Variants in FAM107B observed in about 807,000 individuals in gnomAD.
FAM107B encodes the protein family with sequence similarity 107 member B.
In FAM107B, 21 loss-of-function variants were observed where a neutral mutation model predicts 31.5. The observed-to-expected ratio is 0.67, with a 90% CI of 0.47 to 0.96. The LOEUF (loss-of-function observed/expected upper bound fraction) is 0.96. Among genes scored for constraint, FAM107B ranks in the 40% least tolerant of loss-of-function variants. The pLI, the probability that FAM107B is intolerant of heterozygous loss-of-function variation, is 0.00. For synonymous variants in FAM107B, 157 were observed against 141.5 expected (o/e 1.11, Z -0.78); for missense variants, 452 against 377.1 (o/e 1.20, Z -1.64).
chr10:14,528,739 G>A (rs1256241737), intron 3 of FAM107B, among the ~76,000 whole-genome samples: 2 of 152,184 alleles, frequency 1.3e-5, no homozygotes, highest in Non-Finnish European at 2.9e-5. Flanking sequence ...AAGACAGACA[G>A]AATGGAAGCC....
At chr10:14,727,510 G>A (rs186865767) in intron 1 of FAM107B, among the ~76,000 whole-genome samples, 1 of 152,342 alleles carries the variant, frequency 6.6e-6, no homozygotes, top group Non-Finnish European at 1.5e-5. Flanking sequence ...CCACAGGCTG[G>A]AAGTGACAAG....
chr10:14,646,583 C>T (rs180790865), intron 2 of FAM107B, among the ~76,000 whole-genome samples: 22 of 152,220 alleles, frequency 1.4e-4, no homozygotes, highest in African/African-American at 4.1e-4. Flanking sequence ...TTGATGGGCA[C>T]TTAGGTTGAT....
At chr10:14,706,277 T>C (rs1390032388) in intron 1 of FAM107B, among the ~76,000 whole-genome samples, 2 of 152,192 alleles carry the variant, frequency 1.3e-5, no homozygotes, top group African/African-American at 4.8e-5. Context: ...GGTGCAATCA[T>C]AACTCATTGC....
intron 1 of FAM107B, among the ~76,000 whole-genome samples, chr10:14,717,624 TC>T (rs1246845360): frequency 6.6e-6 from 1 of 152,136 alleles, no homozygotes; most frequent in East Asian, 1.9e-4. Flanking sequence ...AAGCTGCTTC[TC>T]CCCAATCTTC....
chr10:14,654,264 T>C (rs1853980831), intron 2 of FAM107B, among the ~76,000 whole-genome samples: 1 of 152,178 alleles, frequency 6.6e-6, no homozygotes, highest in African/African-American at 2.4e-5. Context: ...CAAAAACACA[T>C]CTACAGCTGA....
intron 1 of FAM107B, among the ~76,000 whole-genome samples, chr10:14,696,706 C>T (rs547845161): frequency 9.2e-5 from 14 of 152,214 alleles, no homozygotes; most frequent in African/African-American, 2.2e-4. Context: ...AAATATCCAT[C>T]GATCTCCGTC....
intron 2 of FAM107B, among the ~76,000 whole-genome samples, chr10:14,588,517 A>T (rs1851915113): frequency 6.6e-6 from 1 of 152,138 alleles, no homozygotes; most frequent in African/African-American, 2.4e-5. Flanking sequence ...TCTGTAAGCC[A>T]GCTTCACACA....
At chr10:14,622,059 A>G (rs754101847) in intron 2 of FAM107B, among the ~76,000 whole-genome samples, 6 of 152,198 alleles carry the variant, frequency 3.9e-5, no homozygotes, top group Admixed American at 1.3e-4. Flanking sequence ...CCATGGAGTA[A>G]CATTCCTGGC....
intron 2 of FAM107B, among the ~76,000 whole-genome samples, chr10:14,615,068 T>A (rs1267531909): frequency 6.6e-6 from 1 of 152,032 alleles, no homozygotes; most frequent in African/African-American, 2.4e-5. Flanking sequence ...GTGGTTCACA[T>A]CTGTAATCCT....
chr10:14,576,203 CGTT>C (rs1181695667), intron 2 of FAM107B, among the ~76,000 whole-genome samples: 16 of 152,166 alleles, frequency 1.1e-4, no homozygotes, highest in African/African-American at 3.6e-4. Context: ...TGGTTTACCT[CGTT>C]GTGTATATTT....
At chr10:14,584,390 C>A (rs569674028) in intron 2 of FAM107B, among the ~76,000 whole-genome samples, 1 of 152,220 alleles carries the variant, frequency 6.6e-6, no homozygotes, top group Admixed American at 6.5e-5. Context: ...GTCCAGCTGC[C>A]GATGAGAATT....
intron 1 of FAM107B, among the ~76,000 whole-genome samples, chr10:14,771,094 T>A (rs1833292326): frequency 6.7e-6 from 1 of 148,538 alleles, no homozygotes; most frequent in African/African-American, 2.5e-5. Context: ...AAGATTGTAA[T>A]AAAAGCATCT....
At chr10:14,563,957 T>A (rs1274441255) in intron 2 of FAM107B, among the ~76,000 whole-genome samples, 2 of 142,986 alleles carry the variant, frequency 1.4e-5, no homozygotes, top group Non-Finnish European at 3.2e-5. Flanking sequence ...GAAACATTCA[T>A]CTCATACTTT....
At chr10:14,523,341 C>G (rs891509884) in intron 3 of FAM107B, among the ~76,000 whole-genome samples, 2 of 152,194 alleles carry the variant, frequency 1.3e-5, no homozygotes, top group Non-Finnish European at 2.9e-5. Context: ...GACAAACCAC[C>G]GAACAGGAAA....
intron 2 of FAM107B, among the ~76,000 whole-genome samples, chr10:14,562,259 A>C (rs987497210): frequency 6.6e-6 from 1 of 152,228 alleles, no homozygotes; most frequent in African/African-American, 2.4e-5. Context: ...ACAATATTAG[A>C]ATATGCAATT....
chr10:14,759,481 C>T lies in FAM107B; in HGVS notation c.411+14772G>A, dbSNP rs147083079. Reference sequence around the variant, plus strand: ...GGCACTTGGTGCTTACCTCAGTTGACGCACTTATCAAATGACACTGCTGTA... The same window carrying T: ...GGCACTTGGTGCTTACCTCAGTTGATGCACTTATCAAATGACACTGCTGTA... On this transcript the variant is annotated intron_variant, in intron 1 of 4. Coordinates refer to ENST00000181796, the MANE Select transcript of FAM107B (RefSeq NM_031453.4). Among the ~76,000 whole-genome samples, 40 of 152,232 alleles carry T rather than the reference C, an allele frequency of 2.6e-4. 3 individuals are homozygous for T. The highest frequency in any genetic ancestry group is 8.9e-4 in the African/African-American group (37 of 41,564).
At chr10:14,566,359 G>T (rs1396888156) in intron 2 of FAM107B, among the ~76,000 whole-genome samples, 2 of 152,182 alleles carry the variant, frequency 1.3e-5, no homozygotes, top group East Asian at 3.8e-4. Context: ...AAGCCATCAT[G>T]CTGCAATCTT....
intron 1 of FAM107B, among the ~76,000 whole-genome samples, chr10:14,736,346 T>C (rs1856299012): frequency 6.6e-6 from 1 of 152,182 alleles, no homozygotes; most frequent in Non-Finnish European, 1.5e-5. Flanking sequence ...TTATGAAAGT[T>C]AAAAGACACA....
At chr10:14,666,758 G>A (rs928410425) in intron 2 of FAM107B, among the ~76,000 whole-genome samples, 4 of 152,138 alleles carry the variant, frequency 2.6e-5, no homozygotes, top group Non-Finnish European at 5.9e-5. Flanking sequence ...GGGAACTTGG[G>A]AGGAGATGGG....
Sources: gnomAD v4.1 joint callset for allele counts (sites outside exome capture counted in the v4.1 genomes callset) on GRCh38, gnomAD v4.1.1 for gene constraint, MANE v1.5 for transcripts, NCBI Gene and HGNC (gene_info 2026-07-23, HGNC 2026-07-21) for gene names.